CSMD1: variants seen among roughly 807,000 people sequenced by gnomAD.
CSMD1 encodes CUB and Sushi multiple domains 1.
Under a neutral mutation model 417.5 loss-of-function variants are expected in CSMD1, and 213 were observed. That is an observed-to-expected ratio of 0.51 (90% CI 0.46 to 0.57). The LOEUF is 0.57. CSMD1 is among the 20% of genes least tolerant of loss of function. CSMD1 has a pLI of 0.00. For synonymous variants in CSMD1, 2,862 were observed against 1,736.8 expected (o/e 1.65, Z -16.11); for missense variants, 6,923 against 4,529.7 (o/e 1.53, Z -15.17).
chr8:3,696,269 C>A (rs1457604237), intron 7 of CSMD1, among the ~76,000 whole-genome samples: 1 of 152,166 alleles, frequency 6.6e-6, no homozygotes, highest in Non-Finnish European at 1.5e-5. Context: ...TGCAAGTATT[C>A]TAATAATAAT....
intron 2 of CSMD1, among the ~76,000 whole-genome samples, chr8:4,430,025 A>G (rs2128946308): frequency 6.6e-6 from 1 of 152,332 alleles, no homozygotes. Context: ...ACTGAAATGA[A>G]ATCGACTGCC....
chr8:3,616,038 T>C (rs1011571605), intron 8 of CSMD1, among the ~76,000 whole-genome samples: 3 of 152,352 alleles, frequency 2.0e-5, no homozygotes, highest in African/African-American at 7.2e-5. Context: ...TACTGACTGA[T>C]ACTAACATGC....
At chr8:3,779,938 A>C (rs1799087549) in intron 5 of CSMD1, among the ~76,000 whole-genome samples, 1 of 152,206 alleles carries the variant, frequency 6.6e-6, no homozygotes, top group Admixed American at 6.5e-5. Context: ...CTTAACCTTT[A>C]AATTGCTGAA....
chr8:3,881,653 C>A (rs534934114), intron 5 of CSMD1, among the ~76,000 whole-genome samples: 64 of 146,994 alleles, frequency 4.4e-4, no homozygotes, highest in African/African-American at 1.5e-3. Flanking sequence ...CAAACAAAAA[C>A]CAACAACAAC....
chr8:4,979,233 A>G (rs546023649), intron 1 of CSMD1, among the ~76,000 whole-genome samples: 1 of 152,332 alleles, frequency 6.6e-6, no homozygotes, highest in South Asian at 2.1e-4. Context: ...TAGTTGCAGT[A>G]ATAAAATAGC....
At chr8:4,162,241 G>A (rs926301726) in intron 3 of CSMD1, among the ~76,000 whole-genome samples, 1 of 152,126 alleles carries the variant, frequency 6.6e-6, no homozygotes, top group Non-Finnish European at 1.5e-5. Flanking sequence ...ATTCATCTAA[G>A]AAACATTCTG....
At chr8:3,687,477 G>T (rs1464611897) in intron 7 of CSMD1, among the ~76,000 whole-genome samples, 4 of 152,190 alleles carry the variant, frequency 2.6e-5, no homozygotes, top group Non-Finnish European at 5.9e-5. Flanking sequence ...CAATAAAACA[G>T]TAAGATCTAT....
chr8:4,559,320 GATTTA>G (rs1459813959), intron 2 of CSMD1, among the ~76,000 whole-genome samples: 3 of 152,184 alleles, frequency 2.0e-5, no homozygotes, highest in Non-Finnish European at 4.4e-5. Flanking sequence ...AATTACAGAT[GATTTA>G]ATTTTCAGTT....
chr8:3,103,627 G>A (rs1815914835), intron 46 of CSMD1, among the ~76,000 whole-genome samples: 1 of 151,950 alleles, frequency 6.6e-6, no homozygotes, highest in Non-Finnish European at 1.5e-5. Flanking sequence ...GGTCTGTCAC[G>A]GTTCAAAACG....
chr8:4,474,912 A>G (rs997556673), intron 2 of CSMD1, among the ~76,000 whole-genome samples: 1 of 152,200 alleles, frequency 6.6e-6, no homozygotes, highest in African/African-American at 2.4e-5. Context: ...GACTATACAT[A>G]TAACATACAA....
intron 3 of CSMD1, among the ~76,000 whole-genome samples, chr8:4,150,795 G>T (rs753383948): frequency 5.3e-5 from 8 of 152,186 alleles, no homozygotes; most frequent in Middle Eastern, 6.8e-3. Context: ...TGTAGTTTGC[G>T]CACTTGCAGA....
intron 3 of CSMD1, among the ~76,000 whole-genome samples, chr8:4,140,428 G>C (rs562504281): frequency 6.6e-6 from 1 of 151,062 alleles, no homozygotes; most frequent in African/African-American, 2.5e-5. Flanking sequence ...AACCTGGGAA[G>C]TGGAGGTTGC....
rs532672960 is a variant in CSMD1 at position 4,855,656 on chromosome 8, G to A, written c.85+138676C>T. ...AGCCAATGCAATCAACTGGAAGATA[G>A]GGTATCAGCGATGGAAGATGAAATG... On this transcript the variant is annotated intron_variant, in intron 1 of 69. Transcript: ENST00000635120. 9.5e-4 allele frequency among the ~76,000 whole-genome samples: 144 copies of A among 152,324 alleles called. 1 individual carries two copies. The highest frequency in any genetic ancestry group is 3.3e-3 in the African/African-American group (138 of 41,570).
intron 2 of CSMD1, among the ~76,000 whole-genome samples, chr8:4,624,045 A>C (rs1801947985): frequency 6.6e-6 from 1 of 152,178 alleles, no homozygotes; most frequent in Non-Finnish European, 1.5e-5. Flanking sequence ...TCAAGCTAGT[A>C]TTCAAAATGA....
At chr8:3,397,294 G>A (rs918571202) in intron 16 of CSMD1, among the ~76,000 whole-genome samples, 1 of 152,170 alleles carries the variant, frequency 6.6e-6, no homozygotes, top group Non-Finnish European at 1.5e-5. Context: ...CTCTGTGCTG[G>A]ATGTTGCTGA....
intron 1 of CSMD1, among the ~76,000 whole-genome samples, chr8:4,802,123 C>A (rs538157566): frequency 6.6e-6 from 1 of 152,172 alleles, no homozygotes; most frequent in Non-Finnish European, 1.5e-5. Context: ...TTAAGGCCAT[C>A]TGGAGGGATC....
chr8:4,789,333 A>G (rs767629115), intron 1 of CSMD1, among the ~76,000 whole-genome samples: 1 of 152,220 alleles, frequency 6.6e-6, no homozygotes, highest in Non-Finnish European at 1.5e-5. Context: ...GCAGTCAACT[A>G]TAGACAATAA....
At chr8:3,928,836 A>T (rs888490492) in intron 5 of CSMD1, among the ~76,000 whole-genome samples, 2 of 121,598 alleles carry the variant, frequency 1.6e-5, no homozygotes, top group African/African-American at 6.4e-5. Flanking sequence ...ACCCCAGGTC[A>T]TGCTGTCACT....
chr8:3,973,624 C>T (rs1421624046), intron 5 of CSMD1, among the ~76,000 whole-genome samples: 1 of 152,108 alleles, frequency 6.6e-6, no homozygotes, highest in African/African-American at 2.4e-5. Flanking sequence ...CATTGTGATG[C>T]TTCCTGATTG....
Sources: allele counts gnomAD v4.1 joint callset (sites outside exome capture counted in the v4.1 genomes callset), GRCh38; gene constraint gnomAD v4.1.1; transcripts MANE v1.5; gene names NCBI Gene and HGNC (gene_info 2026-07-23, HGNC 2026-07-21).